HS3ST5: variants seen among roughly 807,000 people sequenced by gnomAD.
The protein encoded by HS3ST5 is heparan sulfate glucosamine 3-O-sulfotransferase 5.
In HS3ST5, 10 loss-of-function variants were observed where a neutral mutation model predicts 25.4. That is an observed-to-expected ratio of 0.39 (90% CI 0.24 to 0.67). The LOEUF is 0.67. Among genes scored for constraint, HS3ST5 ranks in the 30% least tolerant of loss-of-function variants. The pLI, the probability that HS3ST5 is intolerant of heterozygous loss-of-function variation, is 0.44. For synonymous variants in HS3ST5, 170 were observed against 162.4 expected, an observed-to-expected ratio of 1.05 and a Z score of -0.36; for missense variants, 324 against 420.7, an observed-to-expected ratio of 0.77 and a Z score of 2.01.
intron 3 of HS3ST5, among the ~76,000 whole-genome samples, chr6:114,097,426 A>G (rs1378997886): frequency 6.6e-6 from 1 of 152,004 alleles, no homozygotes; most frequent in African/African-American, 2.4e-5. Flanking sequence ...TATTAAAACA[A>G]AAGCATTATT....
At chr6:114,131,432 C>T (rs565276729) in intron 3 of HS3ST5, among the ~76,000 whole-genome samples, 32 of 152,104 alleles carry the variant, frequency 2.1e-4, no homozygotes, top group African/African-American at 6.5e-4. Context: ...AGTATTTCCT[C>T]CTTTTGACAA....
At position 114,091,830 on chromosome 6, in the gene HS3ST5, C is replaced by T. The variant is rs371524717; in HGVS notation, c.-32-28953G>A. ...TTCCTATGATGATTTTTTTATTTTTCTCACACTGGGGAACAAGCAAAGAGG... is the reference window on the plus strand; with the variant it reads ...TTCCTATGATGATTTTTTTATTTTTTTCACACTGGGGAACAAGCAAAGAGG... On this transcript the variant is annotated intron_variant, in intron 3 of 4. Transcript: ENST00000312719. Among the ~76,000 whole-genome samples the T allele has an allele frequency of 1.6e-4, 25 of 152,012 alleles. No individual in the cohort carries two copies. The East Asian group carries it at 2.7e-3, about 16-fold the overall frequency.
intron 3 of HS3ST5, among the ~76,000 whole-genome samples, chr6:114,097,704 A>AG (rs1775508540): frequency 2.8e-5 from 1 of 36,198 alleles, no homozygotes; most frequent in Non-Finnish European, 7.7e-5. Context: ...TTAGGGAATG[A>AG]GAAAAGAAGG....
chr6:114,071,261 A>G (rs1018062856), intron 3 of HS3ST5, among the ~76,000 whole-genome samples: 2 of 152,206 alleles, frequency 1.3e-5, no homozygotes, highest in Admixed American at 6.5e-5. Context: ...TGTGAGGAGT[A>G]AATGGGCATG....
intron 1 of HS3ST5, among the ~76,000 whole-genome samples, chr6:114,292,905 T>C (rs1339871939): frequency 6.6e-6 from 1 of 152,218 alleles, no homozygotes; most frequent in East Asian, 1.9e-4. Context: ...TTGAAATTTG[T>C]ATCATATTTT....
At chr6:114,238,896 T>C (rs1771978174) in intron 1 of HS3ST5, 1 of 152,210 alleles carries the variant, frequency 6.6e-6, no homozygotes. Context: ...GGCTGAATAA[T>C]ATATAAAATC....
intron 1 of HS3ST5, among the ~76,000 whole-genome samples, chr6:114,341,656 G>C (rs1776883035): frequency 1.3e-5 from 2 of 151,816 alleles, no homozygotes; most frequent in Non-Finnish European, 2.9e-5. Flanking sequence ...AGGGGTGTGG[G>C]GGGGGCCAGC....
intron 3 of HS3ST5, among the ~76,000 whole-genome samples, chr6:114,068,830 T>G (rs1773620544): frequency 6.6e-6 from 1 of 152,228 alleles, no homozygotes; most frequent in South Asian, 2.1e-4. Flanking sequence ...TCTCAGTGTC[T>G]TTCATTTTGC....
intron 1 of HS3ST5, among the ~76,000 whole-genome samples, chr6:114,231,937 T>C (rs996649846): frequency 6.6e-6 from 1 of 152,178 alleles, no homozygotes; most frequent in African/African-American, 2.4e-5. Context: ...TCTGTTATTG[T>C]TTCACTCCTG....
intron 2 of HS3ST5, among the ~76,000 whole-genome samples, chr6:114,225,981 T>G (rs1771256920): frequency 6.6e-6 from 1 of 151,878 alleles, no homozygotes; most frequent in South Asian, 2.1e-4. Flanking sequence ...AAAAACCCAT[T>G]AACAAATATT....
intron 1 of HS3ST5, among the ~76,000 whole-genome samples, chr6:114,331,226 T>C (rs1776382376): frequency 6.6e-6 from 1 of 152,200 alleles, no homozygotes; most frequent in African/African-American, 2.4e-5. Flanking sequence ...AGAAAGCTAC[T>C]AAAGTCAGAG....
At chr6:114,090,194 G>C (rs556301655) in intron 3 of HS3ST5, among the ~76,000 whole-genome samples, 24 of 152,202 alleles carry the variant, frequency 1.6e-4, no homozygotes, top group Non-Finnish European at 2.6e-4. Flanking sequence ...ATAAGTCTTA[G>C]TTGAGGTTGC....
Position 114,169,669 on chromosome 6 carries a change from ATTTG to A in HS3ST5, c.-144-1211_-144-1208del, listed in dbSNP as rs1179743294. Among the ~76,000 whole-genome samples, 6 of 152,198 alleles carry A rather than the reference ATTTG, an allele frequency of 3.9e-5. No homozygotes were observed. The East Asian group carries it at 1.2e-3, about 29-fold the overall frequency. On this transcript the variant is annotated intron_variant, in intron 2 of 4. Transcript: ENST00000312719. ...AAAGCCTCAACTACTCTGTTTCTCAATTTGTTTGATAAACTAGAATTATTTCCAA... is the reference window on the plus strand; with the variant it reads ...AAAGCCTCAACTACTCTGTTTCTCAATTTGATAAACTAGAATTATTTCCAA...
At chr6:114,079,008 G>A (rs1237498250) in intron 3 of HS3ST5, among the ~76,000 whole-genome samples, 3 of 152,128 alleles carry the variant, frequency 2.0e-5, no homozygotes, top group Non-Finnish European at 1.5e-5. Flanking sequence ...AACAATGTAC[G>A]TGCCTTAATT....
Position 114,057,545 on chromosome 6 carries a change from A to G in HS3ST5, c.753T>C (p.His251=). The change falls in exon 5 of 5, where the codon CAT becomes CAC. Residue 251 remains histidine (H), a synonymous_variant. Coordinates refer to ENST00000312719, the MANE Select transcript of HS3ST5 (RefSeq NM_153612.4). ...TGATGAGGCGATCTCCATCGACGAC[A>G]TGAAATTGCTCAATTGGAAAGTATT... The part of the protein sequence containing the change: ...WLKYFPIEQF[H]VVDGDRLITE... 6.2e-7 allele frequency: 1 copy of G among 1,614,210 alleles called. No individual in the cohort carries two copies. Among genetic ancestry groups the G allele is most frequent in the Non-Finnish European group, 8.5e-7 (1 of 1,180,036 alleles).
At chr6:114,084,959 G>T (rs1774716966) in intron 3 of HS3ST5, among the ~76,000 whole-genome samples, 1 of 150,146 alleles carries the variant, frequency 6.7e-6, no homozygotes, top group Non-Finnish European at 1.5e-5. Context: ...AACCTCCTAA[G>T]TAGCTGGGAC....
At position 114,307,602 on chromosome 6, in the gene HS3ST5, C is replaced by T. The variant is rs574915450; in HGVS notation, c.-339+34593G>A. Among the ~76,000 whole-genome samples, 131 of 151,984 alleles carry T rather than the reference C, an allele frequency of 8.6e-4. 1 individual carries two copies. The highest frequency in any genetic ancestry group is 2.6e-3 in the African/African-American group (106 of 41,452). On this transcript the variant is annotated intron_variant, in intron 1 of 4. Coordinates refer to ENST00000312719, the MANE Select transcript of HS3ST5 (RefSeq NM_153612.4). ...TGTGTATAAAGTAATGCATAACATA[C>T]GCAATTCCTATTTTGACTTATCTCT...
chr6:114,336,193 C>T (rs529770970), intron 1 of HS3ST5, among the ~76,000 whole-genome samples: 1 of 152,286 alleles, frequency 6.6e-6, no homozygotes, highest in Admixed American at 6.5e-5. Flanking sequence ...GTGATGACAG[C>T]AGTATCAATT....
chr6:114,077,410 C>A (rs1367454541), intron 3 of HS3ST5, among the ~76,000 whole-genome samples: 2 of 152,168 alleles, frequency 1.3e-5, no homozygotes, highest in African/African-American at 4.8e-5. Flanking sequence ...CCCCAAATTT[C>A]TTTTCACTGC....
Sources: gnomAD v4.1 joint callset for allele counts (sites outside exome capture counted in the v4.1 genomes callset) on GRCh38, gnomAD v4.1.1 for gene constraint, MANE v1.5 for transcripts, NCBI Gene and HGNC (gene_info 2026-07-23, HGNC 2026-07-21) for gene names.